The following TOX3 variants were observed in gnomAD, a reference collection of about 807,000 sequenced individuals.
TOX3 encodes TOX high mobility group box family member 3, also known as CAG trinucleotide repeat-containing gene F9 protein.
A neutral mutation model predicts 64.3 loss-of-function variants in TOX3; 22 were observed. That is an observed-to-expected ratio of 0.34 (90% confidence interval 0.24 to 0.49). The LOEUF (loss-of-function observed/expected upper bound fraction) is 0.49. Among genes scored for constraint, TOX3 ranks in the 20% least tolerant of loss-of-function variants. The probability of loss-of-function intolerance (pLI) is 0.99; values close to 1 mark genes in which losing one functional copy is unlikely to be tolerated. For missense variants in TOX3, 661 were observed against 714.4 expected (o/e 0.93, Z 0.85); for synonymous variants, 291 against 273.6 (o/e 1.06, Z -0.63).
At position 52,546,819 on chromosome 16, in the gene TOX3, C is replaced by T. The variant is rs1406606394; in HGVS notation, c.-96G>A. On this transcript the variant is annotated 5_prime_UTR_variant, in exon 1 of 7. Coordinates refer to ENST00000219746, the MANE Select transcript of TOX3 (RefSeq NM_001080430.4). The stretch of plus-strand genomic sequence containing the variant: ...CGCTAGATCCACCGTCGAGGGCGCC[C>T]GGGGGTGGCGCGTGGGACTCGCGGC... The T allele has an allele frequency of 1.8e-5, 23 of 1,275,942 alleles. No individual in the cohort carries two copies. Among genetic ancestry groups the T allele is most frequent in the African/African-American group, 6.2e-5 (4 of 64,142 alleles). 79.0% of individuals were successfully genotyped at this position (1,275,942 alleles called of 1,614,324 possible).
At chr16:52,521,644 G>GC in intron 1 of TOX3, among the ~76,000 whole-genome samples, 1 of 152,224 alleles carries the variant, frequency 6.6e-6, no homozygotes, top group African/African-American at 2.4e-5. Context: ...TTCAGTGGAT[G>GC]CAAGTATGAT....
At chr16:52,470,096 C>T (rs957031246) in intron 1 of TOX3, among the ~76,000 whole-genome samples, 1 of 152,242 alleles carries the variant, frequency 6.6e-6, no homozygotes, top group Non-Finnish European at 1.5e-5. Context: ...ATATCAGAAA[C>T]ATGTGCATGG....
chr16:52,465,313 C>T (rs1295916769), intron 2 of TOX3, among the ~76,000 whole-genome samples: 4 of 151,786 alleles, frequency 2.6e-5, no homozygotes, highest in Admixed American at 2.0e-4. Flanking sequence ...CGTGCCCAGC[C>T]AATACTGAGA....
At chr16:52,526,530 C>T (rs45504793) in intron 1 of TOX3, among the ~76,000 whole-genome samples, 4,840 of 132,154 alleles carry the variant, frequency 0.037, 120 homozygotes, top group Non-Finnish European at 0.056. Flanking sequence ...GCCTTGAAAT[C>T]GTTGGTCGGC....
chr16:52,471,074 C>T (rs1961033248), intron 1 of TOX3, among the ~76,000 whole-genome samples: 1 of 152,120 alleles, frequency 6.6e-6, no homozygotes, highest in Non-Finnish European at 1.5e-5. Flanking sequence ...ATATACAGGA[C>T]ACCCAGTTAA....
intron 1 of TOX3, among the ~76,000 whole-genome samples, chr16:52,522,372 A>C (rs578105176): frequency 6.6e-6 from 1 of 152,308 alleles, no homozygotes; most frequent in South Asian, 2.1e-4. Flanking sequence ...TATCACAGAA[A>C]TCAAAATTTC....
intron 2 of TOX3, among the ~76,000 whole-genome samples, chr16:52,466,957 CTG>C (rs1960885310): frequency 6.6e-6 from 1 of 152,148 alleles, no homozygotes; most frequent in Admixed American, 6.5e-5. Flanking sequence ...ACTTTGGTAA[CTG>C]TGCCATCTGA....
At chr16:52,514,086 T>C (rs866948765) in intron 1 of TOX3, among the ~76,000 whole-genome samples, 1 of 152,214 alleles carries the variant, frequency 6.6e-6, no homozygotes, top group African/African-American at 2.4e-5. Context: ...GAGATTTACA[T>C]ATATTTTTCT....
At chr16:52,510,139 G>T (rs1962263523) in intron 1 of TOX3, among the ~76,000 whole-genome samples, 2 of 140,194 alleles carry the variant, frequency 1.4e-5, no homozygotes, top group South Asian at 4.5e-4. Context: ...TATAAGCCTT[G>T]CTGTTAAAAA....
intron 1 of TOX3, among the ~76,000 whole-genome samples, chr16:52,504,494 AC>A (rs1962104930): frequency 6.6e-6 from 1 of 151,034 alleles, no homozygotes; most frequent in Admixed American, 6.6e-5. Context: ...AGAAGTTCAC[AC>A]TCTAAAATGA....
rs951646752 is a variant in TOX3, at chr16:52,439,148, C to T, written c.*77G>A. ...TTTCTGCATAACCAACACCAACTTA[C>T]AGGTTTCAGCCACATATGCTTTTCC... is the stretch of plus-strand genomic sequence containing the variant. On this transcript the variant is annotated 3_prime_UTR_variant, in exon 7 of 7. Coordinates refer to ENST00000219746, the MANE Select transcript of TOX3 (RefSeq NM_001080430.4). The T allele has an allele frequency of 1.9e-6, 3 of 1,595,294 alleles. No individual in the cohort carries two copies. Among genetic ancestry groups the T allele is most frequent in the Admixed American group, 1.7e-5 (1 of 57,684 alleles).
intron 1 of TOX3, among the ~76,000 whole-genome samples, chr16:52,511,302 G>A (rs981133144): frequency 2.6e-5 from 4 of 152,110 alleles, no homozygotes; most frequent in African/African-American, 4.8e-5. Flanking sequence ...GACCAGCCTG[G>A]CCAACATGGT....
intron 1 of TOX3, among the ~76,000 whole-genome samples, chr16:52,494,060 A>G (rs1461730743): frequency 6.6e-6 from 1 of 152,210 alleles, no homozygotes; most frequent in Non-Finnish European, 1.5e-5. Context: ...TAATTTTATT[A>G]TCTCTTCTTC....
At chr16:52,465,057 C>T (rs999224125) in intron 2 of TOX3, among the ~76,000 whole-genome samples, 16 of 120,146 alleles carry the variant, frequency 1.3e-4, no homozygotes, top group Non-Finnish European at 2.3e-4. Flanking sequence ...CTCTGTCTCC[C>T]AGGCTGGAGG....
At chr16:52,503,210 C>G (rs1464982837) in intron 1 of TOX3, among the ~76,000 whole-genome samples, 3 of 152,046 alleles carry the variant, frequency 2.0e-5, no homozygotes, top group African/African-American at 7.2e-5. Context: ...TATTAAAATA[C>G]AGAATAAAGA....
intron 1 of TOX3, among the ~76,000 whole-genome samples, chr16:52,485,605 T>C (rs1337038770): frequency 1.3e-5 from 2 of 151,920 alleles, no homozygotes; most frequent in African/African-American, 2.4e-5. Context: ...CCCATGAATA[T>C]ACCCATGTAA....
Position 52,546,886 on chromosome 16 carries a change from C to T in TOX3, c.-163G>A, listed in dbSNP as rs1249790726. ...CCCAGAGCCCGAGGAGCTCGGGAGC[C>T]GCGGCCGCCGCACACAAAGGCGCGG... is the stretch of plus-strand genomic sequence containing the variant. On this transcript the variant is annotated 5_prime_UTR_variant, in exon 1 of 7. Coordinates refer to ENST00000219746, the MANE Select transcript of TOX3 (RefSeq NM_001080430.4). 2.6e-6 allele frequency: 3 copies of T among 1,159,166 alleles called. No individual in the cohort carries two copies. Among genetic ancestry groups the T allele is most frequent in the Non-Finnish European group, 3.2e-6 (3 of 942,044 alleles). The allele number at this position is 1,159,166 out of a possible 1,614,324, so 71.8% of individuals were successfully genotyped here.
intron 1 of TOX3, among the ~76,000 whole-genome samples, chr16:52,471,744 G>A (rs1002711279): frequency 2.6e-5 from 4 of 152,160 alleles, no homozygotes; most frequent in Non-Finnish European, 5.9e-5. Flanking sequence ...ATTTAGCCCA[G>A]TGACACCCTC....
chr16:52,513,542 G>A (rs189483153), intron 1 of TOX3, among the ~76,000 whole-genome samples: 202 of 152,312 alleles, frequency 1.3e-3, no homozygotes, highest in Non-Finnish European at 4.4e-4. Flanking sequence ...TATATGCATA[G>A]TTCCTAACAG....
Sources: gnomAD v4.1 joint callset for allele counts (sites outside exome capture counted in the v4.1 genomes callset) on GRCh38, gnomAD v4.1.1 for gene constraint, MANE v1.5 for transcripts, NCBI Gene and HGNC (gene_info 2026-07-23, HGNC 2026-07-21) for gene names.